The following LRRK2 variants were observed in gnomAD, a reference collection of about 807,000 sequenced individuals.
LRRK2 encodes leucine-rich repeat serine/threonine-protein kinase 2.
Under a neutral mutation model 302.6 loss-of-function variants are expected in LRRK2, and 203 were observed. The ratio of observed to expected loss-of-function variants is 0.67; its 90% CI spans 0.60 to 0.75. The LOEUF is 0.75. Ranked by LOEUF, LRRK2 falls within the 30% of genes least tolerant of loss-of-function variation. LRRK2 has a pLI of 0.00. For missense variants in LRRK2, 2,830 were observed against 2,951.0 expected, an observed-to-expected ratio of 0.96 and a Z score of 0.95; for synonymous variants, 1,066 against 1,031.9, an observed-to-expected ratio of 1.03 and a Z score of -0.63.
At chr12:40,299,328 C>T in intron 25 of LRRK2, 71 bp downstream of exon 25, 1 of 1,511,818 alleles carries the variant, frequency 6.6e-7, no homozygotes, top group East Asian at 2.3e-5. Flanking sequence ...TATATGGACC[C>T]TTTAGTTGTG....
intron 28 of LRRK2, 61 bp downstream of exon 28, chr12:40,306,027 G>T: frequency 8.1e-7 from 1 of 1,231,552 alleles, no homozygotes. Flanking sequence ...TACTCTCTGT[G>T]ACTTTGATGG....
intron 41 of LRRK2, among the ~76,000 whole-genome samples, chr12:40,342,699 A>G (rs1946082567): frequency 6.6e-6 from 1 of 151,978 alleles, no homozygotes; most frequent in African/African-American, 2.4e-5. Context: ...CTCTCATACA[A>G]TTTCAGTTAT....
rs777205306 is a variant in LRRK2, at chr12:40,287,426, G to A, written c.2576G>A (p.Gly859Asp). Residue 859 changes from glycine (G) to aspartate (D), a missense_variant, in exon 20 of 51, where the codon GGC becomes GAC. Coordinates refer to ENST00000298910, the MANE Select transcript of LRRK2 (RefSeq NM_198578.4). ...KSAVEEGTAS[G>D]SDGNFSEDVL... ...GCTGTGGAAGAAGGAACAGCCTCAG[G>A]CAGCGATGGAAATTTTTCTGAAGAT... The A allele has an allele frequency of 1.9e-6, 3 of 1,612,680 alleles. No individual in the cohort carries two copies. In the South Asian group the frequency reaches 3.3e-5, roughly 18 times the overall value.
At chr12:40,285,794 T>C (rs947237627) in intron 19 of LRRK2, among the ~76,000 whole-genome samples, 3 of 151,946 alleles carry the variant, frequency 2.0e-5, no homozygotes, top group Non-Finnish European at 4.4e-5. Flanking sequence ...CTGATAAAGA[T>C]TACATTACTC....
intron 46 of LRRK2, among the ~76,000 whole-genome samples, 165 bp from the exon 47 acceptor site, chr12:40,359,095 G>T (rs961410731): frequency 3.3e-5 from 5 of 151,832 alleles, no homozygotes; most frequent in Admixed American, 2.0e-4. Flanking sequence ...TCATTTATCA[G>T]AACTAAGAGT....
intron 2 of LRRK2, among the ~76,000 whole-genome samples, chr12:40,231,254 A>T (rs554909922): frequency 9.2e-5 from 14 of 151,996 alleles, no homozygotes; most frequent in Non-Finnish European, 2.1e-4. Flanking sequence ...GGTAGATATG[A>T]CTTAAAACCT....
At chr12:40,310,983 G>A (rs532510403) in intron 31 of LRRK2, among the ~76,000 whole-genome samples, 5 of 152,108 alleles carry the variant, frequency 3.3e-5, no homozygotes. Context: ...TCAATCACAA[G>A]GGTAAAGGTG....
At chr12:40,338,349 G>A (rs1945937621) in intron 40 of LRRK2, among the ~76,000 whole-genome samples, 2 of 152,082 alleles carry the variant, frequency 1.3e-5, no homozygotes, top group Non-Finnish European at 2.9e-5. Flanking sequence ...ATAAATGAAT[G>A]CATTCTATTT....
intron 21 of LRRK2, 65 bp from the exon 22 acceptor site, chr12:40,294,780 C>T (rs533836242): frequency 1.1e-6 from 1 of 926,760 alleles, no homozygotes; most frequent in South Asian, 1.4e-5. Flanking sequence ...ATGGTTCCTT[C>T]CTTATAAAAA....
Position 40,359,243 on chromosome 12 carries a change from T to TG in LRRK2, c.6844-17_6844-16insG. On this transcript the variant is annotated splice_polypyrimidine_tract_variant and intron_variant, in intron 46 of 50. Transcript: ENST00000298910. ...TACTCAATTTGCTGAGTGTGTTTTC[T>TG]TTTTTTTTTGGCAAAGCTTAAAGGA... The TG allele has an allele frequency of 7.6e-7, 1 of 1,317,906 alleles. No individual in the cohort carries two copies. The allele number at this position is 1,317,906 out of a possible 1,614,324, so 81.6% of individuals were successfully genotyped here. A position where few individuals can be genotyped will look rare whatever the true frequency, so the allele number is the denominator to read the frequency against.
At chr12:40,352,769 G>A (rs573656108) in intron 44 of LRRK2, among the ~76,000 whole-genome samples, 5 of 151,508 alleles carry the variant, frequency 3.3e-5, no homozygotes, top group South Asian at 2.1e-4. Context: ...AGAGAGCACC[G>A]GGTTGGGGGC....
intron 2 of LRRK2, among the ~76,000 whole-genome samples, chr12:40,226,679 TAG>T (rs143202745): frequency 0.039 from 5,898 of 152,312 alleles, 368 homozygotes; most frequent in African/African-American, 0.13. Context: ...CTGACTATTA[TAG>T]ATTTTCACGC....
rs1390679709 is a variant in LRRK2, at chr12:40,225,099, T to C, written c.-33T>C. 1 of 1,612,500 alleles carries C rather than the reference T, an allele frequency of 6.2e-7. No individual in the cohort carries two copies. The highest frequency in any genetic ancestry group is 1.7e-5 in the Admixed American group (1 of 59,974). On this transcript the variant is annotated 5_prime_UTR_variant, in exon 1 of 51. Coordinates refer to ENST00000298910, the MANE Select transcript of LRRK2 (RefSeq NM_198578.4). The stretch of plus-strand genomic sequence containing the variant: ...TTCCCTGAGCAGCGGACGTTCATGC[T>C]GGGAGGGCGGCGGGTTGGAAGCAGG...
intron 39 of LRRK2, among the ~76,000 whole-genome samples, chr12:40,334,099 T>C (rs540660390): frequency 6.6e-6 from 1 of 152,306 alleles, no homozygotes; most frequent in Non-Finnish European, 1.5e-5. Context: ...TAAACTTTTG[T>C]AGTCGTTAAA....
intron 32 of LRRK2, 91 bp from the exon 33 acceptor site, chr12:40,315,121 A>G (rs1175854700): frequency 5.6e-6 from 6 of 1,066,616 alleles, no homozygotes; most frequent in Non-Finnish European, 7.3e-6. Flanking sequence ...CTTCACCTGC[A>G]AAATGAGGAA....
At chr12:40,261,292 A>C (rs780042640) in intron 13 of LRRK2, among the ~76,000 whole-genome samples, 3 of 152,198 alleles carry the variant, frequency 2.0e-5, no homozygotes, top group Non-Finnish European at 4.4e-5. Context: ...AGATAACCAA[A>C]GGACACTCAA....
chr12:40,294,420 A>G (rs13377911), intron 21 of LRRK2, among the ~76,000 whole-genome samples: 3,171 of 152,126 alleles, frequency 0.021, 112 homozygotes, highest in African/African-American at 0.07. Flanking sequence ...TACTAAAAAT[A>G]TGAGGGTTGT....
intron 31 of LRRK2, among the ~76,000 whole-genome samples, chr12:40,313,291 G>T (rs897655814): frequency 5.3e-5 from 8 of 151,790 alleles, no homozygotes; most frequent in Admixed American, 5.3e-4. Context: ...TATCCTCTTA[G>T]GGCCATTCTT....
At chr12:40,313,782 C>G (rs1466293962) in intron 31 of LRRK2, among the ~76,000 whole-genome samples, 190 bp from the exon 32 acceptor site, 1 of 151,570 alleles carries the variant, frequency 6.6e-6, no homozygotes, top group East Asian at 1.9e-4. Context: ...AACAATTTTC[C>G]TATTTTAATT....
Sources: allele counts gnomAD v4.1 joint callset (sites outside exome capture counted in the v4.1 genomes callset), GRCh38; gene constraint gnomAD v4.1.1; transcripts MANE v1.5; gene names NCBI Gene and HGNC (gene_info 2026-07-23, HGNC 2026-07-21).